UNC13C: variants seen among roughly 807,000 people sequenced by gnomAD.
UNC13C encodes protein unc-13 homolog C.
UNC13C carries 174 observed loss-of-function variants against 245.4 expected under a neutral mutation model. That is an observed-to-expected ratio of 0.71 (90% CI 0.63 to 0.80). UNC13C has a LOEUF of 0.80. UNC13C is among the 30% of genes least tolerant of loss of function. The probability of loss-of-function intolerance (pLI) is 0.00; values close to 1 mark genes in which losing one functional copy is unlikely to be tolerated. For missense variants in UNC13C, 2,829 were observed against 2,602.9 expected (o/e 1.09, Z -1.89); for synonymous variants, 992 against 895.1 (o/e 1.11, Z -1.93).
At chr15:53,857,294 A>G in the UNC13C span, among the ~76,000 whole-genome samples, 1 of 152,172 alleles carries the variant, frequency 6.6e-6, no homozygotes, top group Non-Finnish European at 1.5e-5. Context: ...TAACAATATA[A>G]TTACTTTTCA....
chr15:54,367,994 A>G (rs777264477), intron 17 of UNC13C, among the ~76,000 whole-genome samples: 6 of 152,172 alleles, frequency 3.9e-5, no homozygotes, highest in Non-Finnish European at 7.4e-5. Flanking sequence ...TTCATATTGT[A>G]TTAAAAAACT....
chr15:53,999,914 A>G (rs899772324), intron 1 of UNC13C, among the ~76,000 whole-genome samples: 3 of 151,976 alleles, frequency 2.0e-5, no homozygotes, highest in Non-Finnish European at 4.4e-5. Context: ...ATGCTCTGTA[A>G]GATGTTAGTC....
At chr15:53,865,315 A>G in the UNC13C span, among the ~76,000 whole-genome samples, 1 of 152,172 alleles carries the variant, frequency 6.6e-6, no homozygotes, top group Non-Finnish European at 1.5e-5. Flanking sequence ...AGGCTTAAGC[A>G]GCTGAAACTT....
the UNC13C span, among the ~76,000 whole-genome samples, chr15:53,885,508 A>C: frequency 1.3e-5 from 2 of 152,070 alleles, no homozygotes; most frequent in African/African-American, 4.8e-5. Flanking sequence ...ATTGGATCAT[A>C]CTCTTGTGTC....
At chr15:54,156,614 A>T (rs2032757449) in intron 4 of UNC13C, among the ~76,000 whole-genome samples, 1 of 152,000 alleles carries the variant, frequency 6.6e-6, no homozygotes, top group Non-Finnish European at 1.5e-5. Flanking sequence ...GTCAAGGAAA[A>T]CACGGATTAC....
intron 3 of UNC13C, 104 bp downstream of exon 3, chr15:54,143,144 A>T (rs2141237068): frequency 9.2e-7 from 1 of 1,091,024 alleles, no homozygotes; most frequent in Middle Eastern, 2.0e-4. Context: ...TAGTTTTGAA[A>T]TGTGCATGTT....
intron 19 of UNC13C, among the ~76,000 whole-genome samples, chr15:54,461,500 A>T (rs1891843121): frequency 6.6e-6 from 1 of 152,106 alleles, no homozygotes; most frequent in Non-Finnish European, 1.5e-5. Context: ...CTATAATTTG[A>T]TTTATATATG....
chr15:53,985,422 T>TATGTATACATGTGCTACTATGTATAC (rs1209709084), intron 1 of UNC13C, among the ~76,000 whole-genome samples: 200 of 152,048 alleles, frequency 1.3e-3, no homozygotes, highest in African/African-American at 4.5e-3. Context: ...GTTTGTTACA[T>TATGTATACATGTGCTACTATGTATAC]ATGTATACAT....
At chr15:54,288,788 C>G (rs1425715938) in intron 10 of UNC13C, among the ~76,000 whole-genome samples, 2 of 152,052 alleles carry the variant, frequency 1.3e-5, no homozygotes, top group Admixed American at 1.3e-4. Flanking sequence ...GAGACGGGCT[C>G]TAAGACAATT....
chr15:54,556,591 G>C (rs1897100742), intron 29 of UNC13C, among the ~76,000 whole-genome samples: 1 of 151,630 alleles, frequency 6.6e-6, no homozygotes, highest in African/African-American at 2.4e-5. Context: ...TGGAAAATTT[G>C]CAAAATAATT....
intron 30 of UNC13C, among the ~76,000 whole-genome samples, chr15:54,600,670 A>G (rs925291540): frequency 3.3e-5 from 5 of 152,108 alleles, no homozygotes; most frequent in Admixed American, 1.3e-4. Context: ...ATTCTCACCA[A>G]TCAGTGTTTG....
intron 26 of UNC13C, among the ~76,000 whole-genome samples, chr15:54,539,951 C>T (rs984799854): frequency 2.6e-5 from 4 of 151,858 alleles, no homozygotes; most frequent in Non-Finnish European, 4.4e-5. Context: ...AAAGAGATAA[C>T]GTATAAAGTT....
At chr15:54,160,211 G>A (rs755358071) in intron 4 of UNC13C, among the ~76,000 whole-genome samples, 2 of 151,698 alleles carry the variant, frequency 1.3e-5, no homozygotes, top group Admixed American at 6.6e-5. Flanking sequence ...TAGTTAAATG[G>A]AAGTGTTAGG....
At chr15:54,186,676 A>T (rs2033994776) in intron 4 of UNC13C, among the ~76,000 whole-genome samples, 1 of 151,890 alleles carries the variant, frequency 6.6e-6, no homozygotes, top group Non-Finnish European at 1.5e-5. Flanking sequence ...ATGGATCAAT[A>T]CCCACTCCAT....
At chr15:54,097,467 C>G (rs1005227978) in intron 2 of UNC13C, among the ~76,000 whole-genome samples, 1 of 152,194 alleles carries the variant, frequency 6.6e-6, no homozygotes, top group Non-Finnish European at 1.5e-5. Flanking sequence ...TGATGAATTA[C>G]AATGCCTGGT....
At chr15:54,306,823 A>G (rs113457869) in intron 13 of UNC13C, among the ~76,000 whole-genome samples, 2 of 152,042 alleles carry the variant, frequency 1.3e-5, no homozygotes, top group African/African-American at 4.8e-5. Flanking sequence ...GTACCCTGGC[A>G]CTGACCATCT....
chr15:53,894,131 C>A, the UNC13C span, among the ~76,000 whole-genome samples: 1 of 152,226 alleles, frequency 6.6e-6, no homozygotes, highest in African/African-American at 2.4e-5. Context: ...GGTGAGGCGA[C>A]ACCCCACCCT....
At chr15:53,931,536 A>T in the UNC13C span, among the ~76,000 whole-genome samples, 2 of 151,884 alleles carry the variant, frequency 1.3e-5, no homozygotes, top group East Asian at 3.9e-4. Context: ...TGTGTGTACA[A>T]ATTGTCTTTG....
At chr15:54,094,151 C>A (rs1012657128) in intron 2 of UNC13C, among the ~76,000 whole-genome samples, 7 of 152,266 alleles carry the variant, frequency 4.6e-5, no homozygotes, top group African/African-American at 1.4e-4. Flanking sequence ...TAAACTTTGG[C>A]TTAAGGACTC....
Sources: allele counts gnomAD v4.1 joint callset (sites outside exome capture counted in the v4.1 genomes callset), GRCh38; gene constraint gnomAD v4.1.1; transcripts MANE v1.5; gene names NCBI Gene and HGNC (gene_info 2026-07-23, HGNC 2026-07-21).